NMRK1: variants seen among roughly 807,000 people sequenced by gnomAD.
The protein encoded by NMRK1 is nicotinamide riboside kinase 1, also known as NRK 1.
In NMRK1, 28 loss-of-function variants were observed where a neutral mutation model predicts 29.9. That is an observed-to-expected ratio of 0.94 (90% confidence interval 0.69 to 1.28). NMRK1 has a LOEUF of 1.28. NMRK1 is among the 50% of genes most tolerant of loss of function. The pLI is 0.00. For synonymous variants in NMRK1, 58 were observed against 73.0 expected, an observed-to-expected ratio of 0.79 and a Z score of 1.05; for missense variants, 218 against 233.1, an observed-to-expected ratio of 0.94 and a Z score of 0.42.
At chr9:75,073,550 C>A (rs1320728531) in intron 4 of NMRK1, among the ~76,000 whole-genome samples, 1 of 151,860 alleles carries the variant, frequency 6.6e-6, no homozygotes, top group East Asian at 1.9e-4. Context: ...ACCAGCCTGG[C>A]CAACATGGCA....
intron 8 of NMRK1, among the ~76,000 whole-genome samples, chr9:75,062,211 T>C (rs1353610361): frequency 6.6e-6 from 1 of 152,200 alleles, no homozygotes; most frequent in African/African-American, 2.4e-5. Flanking sequence ...TATATCCATG[T>C]GAAACACTTG....
intron 8 of NMRK1, chr9:75,066,287 C>A (rs757621728): frequency 1.9e-6 from 1 of 518,376 alleles, no homozygotes; most frequent in Non-Finnish European, 3.9e-6. Context: ...ACAGTGCCGT[C>A]CAATATGAAA....
In NMRK1 at chr9:75,085,287, G is replaced by C. The variant is rs574820249; in HGVS notation, c.-35-2137C>G. ...TAAGTGGAAACTGGCTCAGACAATA[G>C]AGCAATTTGCCTAAGGTCACACAGA... On this transcript the variant is annotated intron_variant, in intron 1 of 8. Transcript: ENST00000361092. Among the ~76,000 whole-genome samples the C allele has an allele frequency of 3.3e-5, 5 of 152,298 alleles. 1 individual carries two copies. In the South Asian group the frequency reaches 8.3e-4, roughly 25 times the overall value.
chr9:75,077,964 G>T (rs753169189), intron 2 of NMRK1, among the ~76,000 whole-genome samples: 8 of 152,154 alleles, frequency 5.3e-5, no homozygotes, highest in Non-Finnish European at 1.2e-4. Flanking sequence ...TTTTAAGAGG[G>T]TATTTAAAGC....
At position 75,069,024 on chromosome 9, in the gene NMRK1, T is replaced by C; in HGVS notation, c.468A>G (p.Gln156=). The C allele has an allele frequency of 6.2e-7, 1 of 1,614,086 alleles. No individual in the cohort carries two copies. The highest frequency in any genetic ancestry group is 1.7e-5 in the Admixed American group (1 of 60,024). ...HVWPMYLKYR[Q]EMQDITWEVV... Reference sequence around the variant, plus strand: ...CTTCCCATGTGATGTCCTGCATTTCTTGTCTGTACTTTAGATACATGGGCC... The same window carrying C: ...CTTCCCATGTGATGTCCTGCATTTCCTGTCTGTACTTTAGATACATGGGCC... The change falls in exon 7 of 9, where the codon CAA becomes CAG. Residue 156 remains glutamine (Q), a synonymous_variant. Transcript: ENST00000361092.
chr9:75,077,775 A>G (rs1461183897), intron 2 of NMRK1, among the ~76,000 whole-genome samples, 195 bp from the exon 3 acceptor site: 1 of 152,016 alleles, frequency 6.6e-6, no homozygotes, highest in Non-Finnish European at 1.5e-5. Context: ...AGCTGGGATT[A>G]CAGGTGCCCG....
intron 4 of NMRK1, among the ~76,000 whole-genome samples, chr9:75,072,775 A>G (rs1489602097): frequency 1.3e-5 from 2 of 152,136 alleles, no homozygotes; most frequent in East Asian, 3.8e-4. Flanking sequence ...GTATCTTTAC[A>G]TTTCTTCAAT....
intron 4 of NMRK1, among the ~76,000 whole-genome samples, chr9:75,073,038 C>T (rs1011109905): frequency 1.3e-5 from 2 of 152,056 alleles, no homozygotes; most frequent in African/African-American, 4.8e-5. Flanking sequence ...GTCCTAATGC[C>T]CAGTTCTCCA....
intron 8 of NMRK1, among the ~76,000 whole-genome samples, chr9:75,063,608 T>C (rs1180307142): frequency 6.6e-6 from 1 of 152,204 alleles, no homozygotes; most frequent in Non-Finnish European, 1.5e-5. Flanking sequence ...TCAGTCTTTC[T>C]TGTTTCCCCT....
intron 1 of NMRK1, 75 bp from the exon 2 acceptor site, chr9:75,083,225 T>C (rs1342261218): frequency 1.6e-5 from 12 of 767,676 alleles, no homozygotes; most frequent in Non-Finnish European, 2.2e-5. Flanking sequence ...GAATCCTAAA[T>C]TAGGAGCACC....
intron 8 of NMRK1, among the ~76,000 whole-genome samples, chr9:75,065,396 C>T (rs1390279148): frequency 6.6e-6 from 1 of 152,124 alleles, no homozygotes; most frequent in Non-Finnish European, 1.5e-5. Context: ...TCTGGATCTC[C>T]TGACCATCAT....
At chr9:75,075,415 T>C (rs989065139) in intron 4 of NMRK1, among the ~76,000 whole-genome samples, 4 of 152,314 alleles carry the variant, frequency 2.6e-5, no homozygotes, top group South Asian at 2.1e-4. Context: ...TCAAGAATTT[T>C]GCCTCTCATA....
intron 6 of NMRK1, 104 bp from the exon 7 acceptor site, chr9:75,069,206 A>T: frequency 1.3e-6 from 1 of 780,788 alleles, no homozygotes; most frequent in Non-Finnish European, 2.2e-6. Context: ...GGCTGAATCT[A>T]AACAGGATTA....
chr9:75,064,828 C>T (rs1273041526), intron 8 of NMRK1, among the ~76,000 whole-genome samples: 2 of 152,178 alleles, frequency 1.3e-5, no homozygotes, highest in African/African-American at 4.8e-5. Flanking sequence ...GTCATACTGT[C>T]TTCTCTGAGC....
intron 7 of NMRK1, among the ~76,000 whole-genome samples, chr9:75,067,672 G>A (rs990001634): frequency 6.6e-6 from 1 of 152,206 alleles, no homozygotes; most frequent in African/African-American, 2.4e-5. Flanking sequence ...GCAGGAGCCT[G>A]ATTAGATTTG....
At chr9:75,081,143 A>G (rs1824298336) in intron 2 of NMRK1, among the ~76,000 whole-genome samples, 1 of 152,196 alleles carries the variant, frequency 6.6e-6, no homozygotes, top group African/African-American at 2.4e-5. Context: ...TTACTAAGTT[A>G]TTACTTCCCT....
chr9:75,079,377 T>C (rs1824188618), intron 2 of NMRK1, among the ~76,000 whole-genome samples: 1 of 152,230 alleles, frequency 6.6e-6, no homozygotes, highest in Non-Finnish European at 1.5e-5. Context: ...TATTAAGTTT[T>C]GGTTTAAATG....
intron 1 of NMRK1, among the ~76,000 whole-genome samples, chr9:75,083,891 T>G (rs1008828186): frequency 2.6e-5 from 4 of 152,210 alleles, no homozygotes; most frequent in Non-Finnish European, 5.9e-5. Flanking sequence ...TAATCATAAT[T>G]TTTTTAACAG....
Position 75,061,569 on chromosome 9 carries a change from T to C in NMRK1, c.581-2A>G, listed in dbSNP as rs762790483. Reference sequence around the variant, plus strand: ...GTCTTTATGCTGTCACTTGCAAACCTTGGGAATAAACATAAAAAGAAATTA... The same window carrying C: ...GTCTTTATGCTGTCACTTGCAAACCCTGGGAATAAACATAAAAAGAAATTA... On this transcript the variant is annotated splice_acceptor_variant, in intron 8 of 8. Coordinates refer to ENST00000361092, the MANE Select transcript of NMRK1 (RefSeq NM_017881.3). LOFTEE classifies it high-confidence loss of function. The C allele has an allele frequency of 1.2e-6, 2 of 1,607,816 alleles. No individual in the cohort carries two copies. The highest frequency in any genetic ancestry group is 1.7e-6 in the Non-Finnish European group (2 of 1,175,224).
Sources: gnomAD v4.1 joint callset for allele counts (sites outside exome capture counted in the v4.1 genomes callset) on GRCh38, gnomAD v4.1.1 for gene constraint, MANE v1.5 for transcripts, NCBI Gene and HGNC (gene_info 2026-07-23, HGNC 2026-07-21) for gene names.